Variants in NOX4 observed in about 807,000 individuals in gnomAD.
NOX4 encodes the protein NADPH oxidase 4.
NOX4 carries 69 observed loss-of-function variants against 87.6 expected under a neutral mutation model. That is an observed-to-expected ratio of 0.79 (90% confidence interval 0.65 to 0.96). NOX4 has a LOEUF of 0.96. Ranked by LOEUF, NOX4 falls within the 40% of genes least tolerant of loss-of-function variation. The pLI, the probability that NOX4 is intolerant of heterozygous loss-of-function variation, is 0.00. For missense variants in NOX4, 680 were observed against 681.5 expected (o/e 1.00, Z 0.02); for synonymous variants, 275 against 238.2 (o/e 1.15, Z -1.42).
At chr11:89,537,796 T>C in the NOX4 span, among the ~76,000 whole-genome samples, 1 of 152,124 alleles carries the variant, frequency 6.6e-6, no homozygotes, top group African/African-American at 2.4e-5. Flanking sequence ...TCACACTTTG[T>C]CCAGATTTTT....
chr11:89,449,570 G>A, intron 3 of NOX4, 46 bp from the exon 4 acceptor site: 2 of 1,473,650 alleles, frequency 1.4e-6, no homozygotes, highest in Non-Finnish European at 9.4e-7. Flanking sequence ...CAACAAATGT[G>A]ATAAAAGTTT....
chr11:89,412,122 A>G (rs1168807313), intron 8 of NOX4, among the ~76,000 whole-genome samples: 1 of 152,176 alleles, frequency 6.6e-6, no homozygotes, highest in Non-Finnish European at 1.5e-5. Context: ...TGAGATAACA[A>G]TTGTAAATAT....
intron 3 of NOX4, among the ~76,000 whole-genome samples, chr11:89,451,081 G>A (rs1229365055): frequency 8.4e-6 from 1 of 119,166 alleles, no homozygotes; most frequent in Non-Finnish European, 1.7e-5. Context: ...GGGGAGGGGG[G>A]AGGGATAGCA....
intron 7 of NOX4, among the ~76,000 whole-genome samples, chr11:89,430,933 C>G (rs562169668): frequency 6.6e-6 from 1 of 152,164 alleles, no homozygotes; most frequent in African/African-American, 2.4e-5. Context: ...CTGGAGGCAT[C>G]ACGCTACCTG....
At chr11:89,399,432 A>AAAATATATATATAT (rs1290741300) in intron 11 of NOX4, among the ~76,000 whole-genome samples, 4 of 75,644 alleles carry the variant, frequency 5.3e-5, no homozygotes, top group African/African-American at 1.5e-4. Context: ...CAAGAAATTA[A>AAAATATATATATAT]ATATATATAT....
At chr11:89,483,067 G>A (rs1279826157) in intron 2 of NOX4, among the ~76,000 whole-genome samples, 1 of 151,972 alleles carries the variant, frequency 6.6e-6, no homozygotes, top group African/African-American at 2.4e-5. Flanking sequence ...AAAGCAAATA[G>A]TTCCTAATCT....
intron 11 of NOX4, among the ~76,000 whole-genome samples, chr11:89,390,022 C>T (rs1323611973): frequency 2.0e-5 from 3 of 152,142 alleles, no homozygotes; most frequent in South Asian, 2.1e-4. Context: ...AGATGTGATA[C>T]TCACTGTTTA....
At chr11:89,425,252 C>G (rs574178794) in intron 7 of NOX4, among the ~76,000 whole-genome samples, 86 of 151,898 alleles carry the variant, frequency 5.7e-4, no homozygotes, top group African/African-American at 1.8e-3. Flanking sequence ...AGTGAGTTGC[C>G]TTTCTGTACA....
At chr11:89,439,177 A>C (rs1274370601) in intron 6 of NOX4, among the ~76,000 whole-genome samples, 2 of 149,986 alleles carry the variant, frequency 1.3e-5, no homozygotes, top group Admixed American at 6.8e-5. Context: ...GGCTTCAATT[A>C]AACTTTATGT....
At chr11:89,441,970 T>TATAA (rs967802184) in intron 5 of NOX4, among the ~76,000 whole-genome samples, 2 of 143,348 alleles carry the variant, frequency 1.4e-5, no homozygotes, top group African/African-American at 5.1e-5. Context: ...TATATATATA[T>TATAA]AATCAATATA....
chr11:89,498,057 T>G (rs1207295489), exon 1 of NOX4: 2 of 152,180 alleles, frequency 1.3e-5, no homozygotes, highest in Admixed American at 6.5e-5. Flanking sequence ...TAGAGGCCCA[T>G]GTAGACTCTT....
At chr11:89,373,295 A>C (rs1201868462) in intron 12 of NOX4, 137 bp downstream of exon 12, 9 of 493,416 alleles carry the variant, frequency 1.8e-5, no homozygotes, top group African/African-American at 8.1e-5. Flanking sequence ...AAAAAAAAAA[A>C]AAACAAAAAA....
At chr11:89,441,345 C>T (rs1248258235) in intron 5 of NOX4, among the ~76,000 whole-genome samples, 1 of 152,124 alleles carries the variant, frequency 6.6e-6, no homozygotes, top group Non-Finnish European at 1.5e-5. Flanking sequence ...ATAGTCAGCA[C>T]CCTTCTACCT....
chr11:89,432,095 G>A (rs917181498), intron 7 of NOX4, among the ~76,000 whole-genome samples: 7 of 150,860 alleles, frequency 4.6e-5, no homozygotes, highest in Non-Finnish European at 8.8e-5. Context: ...GCAAACTATC[G>A]CAAGGACAAA....
chr11:89,534,609 C>G, the NOX4 span, among the ~76,000 whole-genome samples: 2 of 152,198 alleles, frequency 1.3e-5, no homozygotes, highest in Non-Finnish European at 2.9e-5. Context: ...GGGCCTTATC[C>G]CGGGGACTGA....
At chr11:89,544,417 G>A in the NOX4 span, among the ~76,000 whole-genome samples, 3 of 152,072 alleles carry the variant, frequency 2.0e-5, no homozygotes, top group Non-Finnish European at 4.4e-5. Flanking sequence ...ATCTTCTGAA[G>A]TGCAGCATCA....
At chr11:89,442,898 T>C (rs1221838993) in intron 5 of NOX4, among the ~76,000 whole-genome samples, 1 of 151,984 alleles carries the variant, frequency 6.6e-6, no homozygotes, top group African/African-American at 2.4e-5. Context: ...ACAAAGGAAA[T>C]GTTGGAACAG....
At chr11:89,511,151 T>C in the NOX4 span, among the ~76,000 whole-genome samples, 3 of 152,042 alleles carry the variant, frequency 2.0e-5, no homozygotes, top group South Asian at 2.1e-4. Flanking sequence ...ATTTATGGAG[T>C]ACAATGTGAT....
intron 7 of NOX4, among the ~76,000 whole-genome samples, chr11:89,425,387 G>GT (rs1943325422): frequency 7.4e-6 from 1 of 135,406 alleles, no homozygotes; most frequent in Admixed American, 7.5e-5. Context: ...GGATGGGGGT[G>GT]TTTGTTTCAA....
Sources: gnomAD v4.1 joint callset for allele counts (sites outside exome capture counted in the v4.1 genomes callset) on GRCh38, gnomAD v4.1.1 for gene constraint, MANE v1.5 for transcripts, NCBI Gene and HGNC (gene_info 2026-07-23, HGNC 2026-07-21) for gene names.